Variants in ADAMTS17 observed in about 807,000 individuals in gnomAD.
ADAMTS17 encodes A disintegrin and metalloproteinase with thrombospondin motifs 17.
Under a neutral mutation model 141.5 loss-of-function variants are expected in ADAMTS17, and 113 were observed. That is an observed-to-expected ratio of 0.80 (90% CI 0.69 to 0.93). ADAMTS17 has a LOEUF of 0.93. ADAMTS17 is among the 40% of genes least tolerant of loss of function. The pLI is 0.00. For missense variants in ADAMTS17, 1,659 were observed against 1,517.9 expected, an observed-to-expected ratio of 1.09 and a Z score of -1.54; for synonymous variants, 768 against 630.6, an observed-to-expected ratio of 1.22 and a Z score of -3.27.
In ADAMTS17 at chr15:99,971,889, AAT is replaced by A. The variant is rs1491488881; in HGVS notation, c.*2511_*2512del. 3 of 152,220 alleles carry A rather than the reference AAT, an allele frequency of 2.0e-5. No individual in the cohort carries two copies. The highest frequency in any genetic ancestry group is 7.2e-5 in the African/African-American group (3 of 41,448). 9.4% of individuals were successfully genotyped at this position (152,220 alleles called of 1,614,324 possible). A position where few individuals can be genotyped will look rare whatever the true frequency, so the allele number is the denominator to read the frequency against. ...TGTGATCAGCATCTAGTGGAACAAG[AAT>A]GTTTATGATGGTTTCACTGAAATCA... On this transcript the variant is annotated 3_prime_UTR_variant, in exon 22 of 22. Transcript: ENST00000268070.
At chr15:100,293,573 G>A (rs1435487022) in intron 3 of ADAMTS17, among the ~76,000 whole-genome samples, 2 of 152,168 alleles carry the variant, frequency 1.3e-5, no homozygotes, top group Non-Finnish European at 2.9e-5. Flanking sequence ...CACCCAGTGT[G>A]CCCCAGGATC....
intron 7 of ADAMTS17, among the ~76,000 whole-genome samples, chr15:100,204,584 G>A (rs2041460235): frequency 6.6e-6 from 1 of 152,072 alleles, no homozygotes; most frequent in African/African-American, 2.4e-5. Context: ...TAACTACAAA[G>A]GAATAAAAAA....
At position 99,976,131 on chromosome 15, in the gene ADAMTS17, A is replaced by C; in HGVS notation, c.3041T>G (p.Leu1014Arg). Residue 1014 changes from leucine to arginine, a missense_variant, in exon 21 of 22, where the codon CTC becomes CGC. Physicochemically the swap from Leu to Arg is moderately radical, Grantham distance 102 (BLOSUM62 -2). Coordinates refer to ENST00000268070, the MANE Select transcript of ADAMTS17 (RefSeq NM_139057.4). ...TGRHGSECPA[L>R]SKPAPYRQCY... is the part of the protein sequence containing the mutation. ...CTGTCTGTAGGGGGCAGGCTTCGAG[A>C]GGGCGGGGCACTCGCTGCCGTGGCG... The C allele has an allele frequency of 6.4e-7, 1 of 1,551,148 alleles. No individual in the cohort carries two copies. The highest frequency in any genetic ancestry group is 8.7e-7 in the Non-Finnish European group (1 of 1,146,934).
chr15:99,977,012 G>C (rs536910087), intron 20 of ADAMTS17, among the ~76,000 whole-genome samples: 2 of 152,270 alleles, frequency 1.3e-5, no homozygotes, highest in African/African-American at 4.8e-5. Context: ...CCCAAGCACT[G>C]TCTGCTGCCT....
At chr15:99,984,210 G>A (rs937711074) in intron 20 of ADAMTS17, among the ~76,000 whole-genome samples, 3 of 152,188 alleles carry the variant, frequency 2.0e-5, no homozygotes, top group African/African-American at 7.2e-5. Context: ...GACCCCCGAT[G>A]GCCTGCAGGG....
At chr15:100,262,515 G>T in intron 4 of ADAMTS17, 80 bp from the exon 5 acceptor site, 1 of 1,045,620 alleles carries the variant, frequency 9.6e-7, no homozygotes, top group Non-Finnish European at 1.4e-6. Context: ...TGGGAACTTG[G>T]GACACAGAAA....
chr15:100,306,566 G>C (rs989250266), intron 3 of ADAMTS17: 1 of 456,032 alleles, frequency 2.2e-6, no homozygotes, highest in East Asian at 6.9e-5. Context: ...GTGAGGCCCA[G>C]ACACTGTGGA....
intron 15 of ADAMTS17, among the ~76,000 whole-genome samples, chr15:100,068,057 T>A (rs1280484125): frequency 6.6e-6 from 1 of 152,124 alleles, no homozygotes; most frequent in East Asian, 1.9e-4. Flanking sequence ...CCCACCCTAA[T>A]ACTGTGCTTT....
intron 7 of ADAMTS17, among the ~76,000 whole-genome samples, chr15:100,232,660 T>A (rs2042521251): frequency 6.6e-6 from 1 of 152,226 alleles, no homozygotes; most frequent in Admixed American, 6.5e-5. Context: ...AGAACTGAAG[T>A]CTTCCTGTGT....
intron 7 of ADAMTS17, among the ~76,000 whole-genome samples, 150 bp downstream of exon 7, chr15:100,253,981 TAAAAA>T (rs1287698274): frequency 6.6e-6 from 1 of 151,598 alleles, no homozygotes; most frequent in East Asian, 1.9e-4. Context: ...TTCAGGAAAA[TAAAAA>T]AAGGAAAGTC....
chr15:100,053,652 A>T (rs1014830054), intron 16 of ADAMTS17, among the ~76,000 whole-genome samples: 3 of 152,142 alleles, frequency 2.0e-5, no homozygotes, highest in Admixed American at 1.3e-4. Context: ...TGAAAAAGAT[A>T]GGAGCTCGGC....
chr15:100,065,368 C>G (rs2033443796), intron 15 of ADAMTS17, among the ~76,000 whole-genome samples: 1 of 152,040 alleles, frequency 6.6e-6, no homozygotes, highest in Admixed American at 6.6e-5. Flanking sequence ...AAGGATCAAG[C>G]AAAAAGTATA....
chr15:99,997,450 C>G lies in ADAMTS17; in HGVS notation c.2731G>C (p.Ala911Pro), dbSNP rs886050974. Residue 911 changes from alanine (A) to proline (P), a missense_variant, in exon 19 of 22, where the codon GCG (alanine) becomes CCG (proline). Ala to Pro is a conservative substitution (Grantham distance 27, BLOSUM62 -1). Coordinates refer to ENST00000268070, the MANE Select transcript of ADAMTS17 (RefSeq NM_139057.4). This position sits in a 1 kb window ranked among gnomAD's most constrained non-coding sequence, Gnocchi z 4.7. The stretch of plus-strand genomic sequence containing the variant: ...TGGCCTTCACAGCTCTGCACTGCCG[C>G]CGGCCGGGGGCCCGGGCAGTAGAGG... ...RPLYCPGPRP[A>P]AVQSCEGQDC... The G allele has an allele frequency of 6.2e-7, 1 of 1,613,638 alleles. No individual in the cohort carries two copies. The highest frequency in any genetic ancestry group is 2.2e-5 in the East Asian group (1 of 44,878).
At chr15:100,051,447 A>G (rs895570442) in intron 17 of ADAMTS17, 125 bp downstream of exon 17, 1 of 1,365,826 alleles carries the variant, frequency 7.3e-7, no homozygotes, top group South Asian at 1.2e-5. Flanking sequence ...TCGGTGGGAT[A>G]TGGTTAAATT....
intron 10 of ADAMTS17, among the ~76,000 whole-genome samples, chr15:100,141,832 T>A (rs2038669606): frequency 6.6e-6 from 1 of 152,206 alleles, no homozygotes; most frequent in Admixed American, 6.5e-5. Flanking sequence ...GTCCAACGGC[T>A]CTGAGAGGCT....
chr15:100,022,964 C>T (rs1249985240), intron 18 of ADAMTS17, among the ~76,000 whole-genome samples: 2 of 146,754 alleles, frequency 1.4e-5, no homozygotes, highest in African/African-American at 5.4e-5. Flanking sequence ...TCTGTTTTCA[C>T]CGGAGCACTG....
At chr15:100,254,958 C>T (rs2043275531) in intron 6 of ADAMTS17, among the ~76,000 whole-genome samples, 1 of 152,026 alleles carries the variant, frequency 6.6e-6, no homozygotes, top group Non-Finnish European at 1.5e-5. Context: ...CACATGTTTA[C>T]CTATGTAATG....
At chr15:100,266,087 T>C (rs1468184625) in intron 4 of ADAMTS17, among the ~76,000 whole-genome samples, 2 of 152,194 alleles carry the variant, frequency 1.3e-5, no homozygotes, top group East Asian at 1.9e-4. Context: ...AGAACTTGCC[T>C]GGAACAGCTC....
At chr15:100,078,323 G>T (rs1476610349) in intron 15 of ADAMTS17, among the ~76,000 whole-genome samples, 2 of 151,832 alleles carry the variant, frequency 1.3e-5, no homozygotes, top group Non-Finnish European at 2.9e-5. Flanking sequence ...GAAGAACTCA[G>T]ATTTCCTGAT....
Sources: allele counts gnomAD v4.1 joint callset (sites outside exome capture counted in the v4.1 genomes callset), GRCh38; gene constraint gnomAD v4.1.1; non-coding constraint Gnocchi (gnomAD v3.1); transcripts MANE v1.5; gene names NCBI Gene and HGNC (gene_info 2026-07-23, HGNC 2026-07-21).